The following NBEA variants were observed in gnomAD, a reference collection of about 807,000 sequenced individuals.
NBEA encodes lysosomal-trafficking regulator 2.
A neutral mutation model predicts 343.4 loss-of-function variants in NBEA; 44 were observed. The observed-to-expected ratio is 0.13, with a 90% CI of 0.10 to 0.16. The LOEUF (loss-of-function observed/expected upper bound fraction) is 0.16. Ranked by LOEUF, NBEA falls within the 10% of genes least tolerant of loss-of-function variation. NBEA has a pLI of 1.00. For missense variants in NBEA, 2,555 were observed against 3,631.3 expected, an observed-to-expected ratio of 0.70 and a Z score of 7.62; for synonymous variants, 1,175 against 1,238.7, an observed-to-expected ratio of 0.95 and a Z score of 1.08.
Position 35,654,867 on chromosome 13 carries a change from G to T in NBEA, c.8048G>T (p.Gly2683Val). 6.4e-7 allele frequency: 1 copy of T among 1,574,264 alleles called. No individual in the cohort carries two copies. Among genetic ancestry groups the T allele is most frequent in the African/African-American group, 1.4e-5 (1 of 72,440 alleles). The part of the protein sequence containing the change: ...EMDPLIANNS[G>V]VNKRQITDLV... ...CATTTACTTTTAGCCAATAATTCAG[G>T]TGTAAACAAACGGCAGATCACAGAC... Residue 2683 changes from glycine (G) to valine (V), a missense_variant, in exon 54 of 59, where the codon GGT (glycine) becomes GTT (valine). By Grantham distance (109) the Gly-to-Val change is moderately radical. Coordinates refer to ENST00000379939, the MANE Select transcript of NBEA (RefSeq NM_001385012.1).
At chr13:35,454,001 G>T (rs1352056593) in intron 40 of NBEA, among the ~76,000 whole-genome samples, 1 of 152,084 alleles carries the variant, frequency 6.6e-6, no homozygotes, top group African/African-American at 2.4e-5. Context: ...TCTTTTAATG[G>T]ATTTGTCATT....
At position 35,537,172 on chromosome 13, in the gene NBEA, A is replaced by AT. The variant is rs1176739200; in HGVS notation, c.6586-13298dup. On this transcript the variant is annotated intron_variant, in intron 41 of 58. Transcript: ENST00000379939. ...TGATCAGGCCTTCTGAAAAACTGGA[A>AT]TTTTTTTCAGCTCCAATAAACCACA... 2.6e-5 allele frequency among the ~76,000 whole-genome samples: 4 copies of AT among 152,150 alleles called. 1 individual carries two copies. In the South Asian group the frequency reaches 8.3e-4, roughly 32 times the overall value.
intron 1 of NBEA, among the ~76,000 whole-genome samples, chr13:35,014,195 T>C (rs1391649233): frequency 6.6e-6 from 1 of 152,200 alleles, no homozygotes; most frequent in Non-Finnish European, 1.5e-5. Flanking sequence ...CCAGAGAACA[T>C]TATTTTGTTG....
intron 30 of NBEA, among the ~76,000 whole-genome samples, chr13:35,188,349 C>G (rs1225520273): frequency 6.6e-6 from 1 of 151,636 alleles, no homozygotes; most frequent in Non-Finnish European, 1.5e-5. Flanking sequence ...GAAAATAGAT[C>G]ACCAGCATTG....
At chr13:35,524,387 T>A (rs904815418) in intron 41 of NBEA, among the ~76,000 whole-genome samples, 1 of 152,260 alleles carries the variant, frequency 6.6e-6, no homozygotes, top group Non-Finnish European at 1.5e-5. Context: ...CAAGCCCTTG[T>A]ACTGCCTTTC....
intron 41 of NBEA, among the ~76,000 whole-genome samples, chr13:35,524,514 A>G (rs573042168): frequency 1.3e-5 from 2 of 152,310 alleles, no homozygotes; most frequent in African/African-American, 4.8e-5. Context: ...ATTGCGGTTC[A>G]AATAAGTTCC....
chr13:35,445,899 G>A (rs1401830407), intron 39 of NBEA, among the ~76,000 whole-genome samples: 3 of 149,362 alleles, frequency 2.0e-5, no homozygotes, highest in African/African-American at 7.4e-5. Flanking sequence ...CATGTGCCAT[G>A]TTGGTGTGCT....
chr13:35,638,319 T>C lies in NBEA; in HGVS notation c.7618-7550T>C, dbSNP rs140930536. ...GATAATGAAGAGAGTTTAATAATGG[T>C]TCTATTTACAAAGGTATAGACATGG... On this transcript the variant is annotated intron_variant, in intron 49 of 58. Transcript: ENST00000379939. Among the ~76,000 whole-genome samples the C allele has an allele frequency of 6.2e-3, 946 of 152,250 alleles. 11 individuals carry two copies. Among genetic ancestry groups the C allele is most frequent in the African/African-American group, 0.021 (892 of 41,532 alleles).
At chr13:35,167,093 G>A (rs1028088026) in intron 24 of NBEA, among the ~76,000 whole-genome samples, 1 of 151,928 alleles carries the variant, frequency 6.6e-6, no homozygotes, top group South Asian at 2.1e-4. Context: ...GAAGAAATAG[G>A]AATAATAATG....
intron 1 of NBEA, among the ~76,000 whole-genome samples, chr13:34,966,958 C>CTT (rs576261074): frequency 1.9e-4 from 25 of 131,194 alleles, no homozygotes; most frequent in African/African-American, 5.6e-4. Context: ...ACTAACCTTT[C>CTT]TTTTTTTTTT....
chr13:35,221,304 A>AT (rs2074354698), intron 33 of NBEA, among the ~76,000 whole-genome samples: 1 of 151,138 alleles, frequency 6.6e-6, no homozygotes, highest in Admixed American at 6.6e-5. Context: ...AGATTGTGCC[A>AT]TTGCACTCCA....
intron 34 of NBEA, among the ~76,000 whole-genome samples, chr13:35,260,746 G>A (rs1335446817): frequency 6.6e-6 from 1 of 152,168 alleles, no homozygotes; most frequent in African/African-American, 2.4e-5. Flanking sequence ...GACCTTTAGA[G>A]CAAGAAATTT....
rs188382600 is a variant in NBEA at position 35,509,141 on chromosome 13, G to A, written c.6585+36605G>A. Among the ~76,000 whole-genome samples, 40 of 152,274 alleles carry A rather than the reference G, an allele frequency of 2.6e-4. 1 individual carries two copies. The highest frequency in any genetic ancestry group is 1.2e-3 in the South Asian group (6 of 4,824). On this transcript the variant is annotated intron_variant, in intron 41 of 58. Transcript: ENST00000379939. ...GTGTCTGGCGTATGCCTGCCTGACC[G>A]TGGCTATGGTTCTGCAAACCCAACC...
intron 34 of NBEA, among the ~76,000 whole-genome samples, chr13:35,274,684 T>C (rs2034447177): frequency 6.6e-6 from 1 of 152,144 alleles, no homozygotes; most frequent in Admixed American, 6.5e-5. Flanking sequence ...ACAAAATCAA[T>C]GTGCAAAAAT....
chr13:35,115,609 G>A (rs2066455463), intron 13 of NBEA, among the ~76,000 whole-genome samples: 1 of 151,896 alleles, frequency 6.6e-6, no homozygotes, highest in Non-Finnish European at 1.5e-5. Flanking sequence ...TTGGGGATTT[G>A]TTTCTTCATT....
chr13:35,524,583 A>ATTACATTGAGT (rs1271787896), intron 41 of NBEA, among the ~76,000 whole-genome samples: 1 of 152,226 alleles, frequency 6.6e-6, no homozygotes, highest in East Asian at 1.9e-4. Flanking sequence ...AGATTGGTAT[A>ATTACATTGAGT]TTACATTGAG....
intron 41 of NBEA, among the ~76,000 whole-genome samples, chr13:35,504,091 G>T (rs552189385): frequency 2.6e-5 from 4 of 152,082 alleles, no homozygotes; most frequent in African/African-American, 9.7e-5. Flanking sequence ...TTTACAGTTG[G>T]ATATTTGAGA....
chr13:35,240,136 A>G (rs539332802), intron 34 of NBEA, among the ~76,000 whole-genome samples: 2 of 151,896 alleles, frequency 1.3e-5, no homozygotes, highest in East Asian at 1.9e-4. Context: ...TGTATTCGTA[A>G]TGATAATTTA....
At chr13:35,493,855 A>G (rs896256723) in intron 41 of NBEA, among the ~76,000 whole-genome samples, 5 of 151,938 alleles carry the variant, frequency 3.3e-5, no homozygotes, top group Non-Finnish European at 5.9e-5. Context: ...CGTCATGTGC[A>G]ACATATACCT....
Sources: gnomAD v4.1 joint callset for allele counts (sites outside exome capture counted in the v4.1 genomes callset) on GRCh38, gnomAD v4.1.1 for gene constraint, MANE v1.5 for transcripts, NCBI Gene and HGNC (gene_info 2026-07-23, HGNC 2026-07-21) for gene names.